Variants in MTA3 observed in about 807,000 individuals in gnomAD.
The protein encoded by MTA3 is metastasis-associated protein MTA3.
Under a neutral mutation model 83.5 loss-of-function variants are expected in MTA3, and 34 were observed. The observed-to-expected ratio is 0.41, with a 90% CI of 0.31 to 0.54. MTA3 has a LOEUF of 0.54. MTA3 is among the 20% of genes least tolerant of loss of function. The probability of loss-of-function intolerance (pLI) is 0.33; values close to 1 mark genes in which losing one functional copy is unlikely to be tolerated. For missense variants in MTA3, 761 were observed against 726.4 expected (o/e 1.05, Z -0.55); for synonymous variants, 303 against 252.7 (o/e 1.20, Z -1.89).
chr2:42,531,149 G>C (rs1214203762), intron 2 of MTA3, among the ~76,000 whole-genome samples: 2 of 152,072 alleles, frequency 1.3e-5, no homozygotes, highest in East Asian at 3.9e-4. Flanking sequence ...AGTATTAAGA[G>C]GTGGAGCCTG....
chr2:42,578,071 C>G (rs1679242790), intron 2 of MTA3, among the ~76,000 whole-genome samples: 1 of 152,168 alleles, frequency 6.6e-6, no homozygotes, highest in South Asian at 2.1e-4. Context: ...ATTTCTTAAT[C>G]TAAAATACGG....
rs993847199 is a variant in MTA3, at chr2:42,571,027, T to A, written c.96+523T>A. On this transcript the variant is annotated intron_variant, in intron 2 of 16. Coordinates refer to ENST00000405094, the MANE Select transcript of MTA3 (RefSeq NM_001330442.2). The stretch of plus-strand genomic sequence containing the variant: ...ACTCCGTCTCAAAAAAAAATAAAAA[T>A]AAAAAAATAAAAATAAGCTGGGTAA... 4.0e-5 allele frequency among the ~76,000 whole-genome samples: 6 copies of A among 150,086 alleles called. No individual in the cohort carries two copies. The East Asian group carries it at 1.2e-3, about 30-fold the overall frequency.
At position 42,609,680 on chromosome 2, in the gene MTA3, G is replaced by T. The variant is rs923153170; in HGVS notation, c.317+96G>T. On this transcript the variant is annotated intron_variant, in intron 4 of 16. Transcript: ENST00000405094. ...TTTTCCAGACTCTTCTCAGGATCTT[G>T]CTTAAACTACTTTGCTAAAGGCTTC... is the stretch of plus-strand genomic sequence containing the variant. The T allele has an allele frequency of 1.6e-5, 21 of 1,354,632 alleles. No individual in the cohort carries two copies. In the African/African-American group the frequency reaches 3.0e-4, roughly 20 times the overall value. 83.9% of individuals were successfully genotyped at this position (1,354,632 alleles called of 1,614,324 possible). A position where few individuals can be genotyped will look rare whatever the true frequency, so the allele number is the denominator to read the frequency against.
intron 3 of MTA3, among the ~76,000 whole-genome samples, chr2:42,597,101 GGGGTTTCACCTTGTTGTCCAGGC>G (rs1211879854): frequency 3.2e-4 from 48 of 151,818 alleles, no homozygotes; most frequent in African/African-American, 1.1e-3. Flanking sequence ...TAGTAGAGAC[GGGGTTTCACCTTGTTGTCCAGGC>G]GGGTTTCGAA....
intron 2 of MTA3, among the ~76,000 whole-genome samples, chr2:42,510,644 A>G (rs1199048660): frequency 6.6e-6 from 1 of 152,220 alleles, no homozygotes; most frequent in African/African-American, 2.4e-5. Context: ...TAGAAACTAT[A>G]GAAAATATGG....
At chr2:42,620,747 GC>G (rs1287270435) in intron 4 of MTA3, among the ~76,000 whole-genome samples, 1 of 152,118 alleles carries the variant, frequency 6.6e-6, no homozygotes, top group Admixed American at 6.6e-5. Context: ...TCCCATCTTG[GC>G]CTCTCGAAGT....
At chr2:42,631,531 A>G (rs1179943387) in intron 4 of MTA3, among the ~76,000 whole-genome samples, 1 of 152,040 alleles carries the variant, frequency 6.6e-6, no homozygotes, top group African/African-American at 2.4e-5. Context: ...TTTTGTGGCT[A>G]CATAGGTGTA....
At chr2:42,595,211 G>A (rs1181599465) in intron 3 of MTA3, among the ~76,000 whole-genome samples, 3 of 137,712 alleles carry the variant, frequency 2.2e-5, no homozygotes, top group African/African-American at 8.3e-5. Flanking sequence ...CCAGGTTCAC[G>A]CCATTCTCCT....
intron 6 of MTA3, among the ~76,000 whole-genome samples, chr2:42,644,797 C>T (rs979257072): frequency 2.6e-5 from 4 of 152,046 alleles, no homozygotes; most frequent in Non-Finnish European, 4.4e-5. Flanking sequence ...GGCCACGAAC[C>T]GTACCCATAT....
At chr2:42,594,355 G>C (rs929900770) in intron 3 of MTA3, among the ~76,000 whole-genome samples, 7 of 147,186 alleles carry the variant, frequency 4.8e-5, no homozygotes, top group African/African-American at 1.8e-4. Context: ...TTATGCCTCA[G>C]CCTTCTGAGT....
intron 4 of MTA3, among the ~76,000 whole-genome samples, chr2:42,626,803 C>T (rs1406229923): frequency 2.6e-5 from 4 of 151,930 alleles, no homozygotes. Flanking sequence ...TATAATGGTG[C>T]CACCTCAGCT....
intron 12 of MTA3, among the ~76,000 whole-genome samples, chr2:42,706,651 T>G (rs1666111534): frequency 1.3e-5 from 2 of 152,242 alleles, no homozygotes; most frequent in Admixed American, 6.5e-5. Flanking sequence ...AACTTATGTC[T>G]CAACCTCAAT....
At chr2:42,517,958 G>T (rs927931458) in intron 2 of MTA3, among the ~76,000 whole-genome samples, 2 of 150,948 alleles carry the variant, frequency 1.3e-5, no homozygotes, top group African/African-American at 4.9e-5. Context: ...GGCCAAAGTG[G>T]GCAGATCACC....
At chr2:42,664,658 T>C (rs924058469) in intron 8 of MTA3, among the ~76,000 whole-genome samples, 5 of 152,008 alleles carry the variant, frequency 3.3e-5, no homozygotes, top group African/African-American at 1.2e-4. Flanking sequence ...ATTACGGTCC[T>C]ATTCTGATCG....
At chr2:42,584,680 C>A (rs1241048214) in intron 3 of MTA3, among the ~76,000 whole-genome samples, 1 of 151,784 alleles carries the variant, frequency 6.6e-6, no homozygotes, top group Non-Finnish European at 1.5e-5. Context: ...CTGGACAGCA[C>A]AGGAATACCC....
chr2:42,597,364 C>G (rs568336514), intron 3 of MTA3, among the ~76,000 whole-genome samples: 1 of 143,148 alleles, frequency 7.0e-6, no homozygotes, highest in Non-Finnish European at 1.5e-5. Flanking sequence ...TGCACCTGGC[C>G]GACAAGTTAT....
chr2:42,704,261 G>C lies in MTA3; in HGVS notation c.1093G>C (p.Gly365Arg). 6.2e-7 allele frequency: 1 copy of C among 1,613,938 alleles called. No individual in the cohort carries two copies. Among genetic ancestry groups the C allele is most frequent in the Non-Finnish European group, 8.5e-7 (1 of 1,179,858 alleles). The stretch of plus-strand genomic sequence containing the variant: ...GCCTGGTGCTGTGAATGGAGCTGTG[G>C]GGACCACGTTCCAGCCTCAGAATCC... ...GKPGAVNGAV[G>R]TTFQPQNPLL... The change falls in exon 12 of 17, where the codon GGG becomes CGG. Residue 365 changes from glycine (G) to arginine (R), a missense_variant. Transcript: ENST00000405094.
At chr2:42,736,765 C>A (rs1319422743) in intron 16 of MTA3, among the ~76,000 whole-genome samples, 3 of 151,912 alleles carry the variant, frequency 2.0e-5, no homozygotes, top group Non-Finnish European at 4.4e-5. Context: ...TGAGTCTCAT[C>A]CAAGGCACAC....
chr2:42,569,954 A>AT (rs777013022), intron 1 of MTA3: 3,962 of 137,430 alleles, frequency 0.029, 83 homozygotes, highest in African/African-American at 0.07. Context: ...TGCTCATCTG[A>AT]TTTTTTTTTT....
Sources: gnomAD v4.1 joint callset for allele counts (sites outside exome capture counted in the v4.1 genomes callset) on GRCh38, gnomAD v4.1.1 for gene constraint, MANE v1.5 for transcripts, NCBI Gene and HGNC (gene_info 2026-07-23, HGNC 2026-07-21) for gene names.